XPO7: variants seen among roughly 807,000 people sequenced by gnomAD.
XPO7 encodes exportin 7, also known as exportin-7.
XPO7 carries 21 observed loss-of-function variants against 144.3 expected under a neutral mutation model. The observed-to-expected ratio is 0.15, with a 90% CI of 0.10 to 0.21. The LOEUF is 0.21. Ranked by LOEUF, XPO7 falls within the 10% of genes least tolerant of loss-of-function variation. The pLI is 1.00. For missense variants in XPO7, 808 were observed against 1,325.8 expected, an observed-to-expected ratio of 0.61 and a Z score of 6.06; for synonymous variants, 580 against 499.6, an observed-to-expected ratio of 1.16 and a Z score of -2.15.
intron 1 of XPO7, among the ~76,000 whole-genome samples, chr8:21,941,228 C>G (rs533316459): frequency 7.9e-5 from 12 of 151,850 alleles, no homozygotes; most frequent in African/African-American, 2.9e-4. Context: ...GCCTTGACCA[C>G]GCCACAACCC....
intron 1 of XPO7, among the ~76,000 whole-genome samples, chr8:21,955,359 G>A (rs1811502394): frequency 2.0e-5 from 3 of 152,128 alleles, no homozygotes; most frequent in Admixed American, 2.0e-4. Flanking sequence ...AAAAATGATG[G>A]TGCACCTTTG....
chr8:21,923,608 CACTT>C (rs1187350309), intron 1 of XPO7, among the ~76,000 whole-genome samples: 1 of 152,068 alleles, frequency 6.6e-6, no homozygotes, highest in Non-Finnish European at 1.5e-5. Context: ...ATCATTCAAA[CACTT>C]AACACAGAAA....
At chr8:21,968,007 A>G (rs1426225974) in intron 2 of XPO7, among the ~76,000 whole-genome samples, 1 of 152,202 alleles carries the variant, frequency 6.6e-6, no homozygotes, top group Non-Finnish European at 1.5e-5. Context: ...CATAAAGTGC[A>G]GTCCTCATAT....
At chr8:21,980,645 C>T (rs1286894154) in intron 9 of XPO7, among the ~76,000 whole-genome samples, 4 of 151,966 alleles carry the variant, frequency 2.6e-5, no homozygotes, top group African/African-American at 9.7e-5. Context: ...CATGGTGGCA[C>T]GTGCCTGTAA....
At chr8:21,989,168 T>A in intron 16 of XPO7, 85 bp downstream of exon 16, 2 of 1,265,030 alleles carry the variant, frequency 1.6e-6, no homozygotes, top group Non-Finnish European at 2.2e-6. Flanking sequence ...TCTTTCCACT[T>A]CAGTTTAGCT....
chr8:21,960,337 C>T (rs1346105852), intron 1 of XPO7, among the ~76,000 whole-genome samples: 1 of 152,246 alleles, frequency 6.6e-6, no homozygotes, highest in East Asian at 1.9e-4. Context: ...CCTTGCCCTG[C>T]AGCTTTCTTT....
Position 21,990,886 on chromosome 8 carries a change from A to G in XPO7, c.2008A>G (p.Thr670Ala), listed in dbSNP as rs768710338. 1 of 1,613,926 alleles carries G rather than the reference A, an allele frequency of 6.2e-7. No homozygotes were observed. The highest frequency in any genetic ancestry group is 8.5e-7 in the Non-Finnish European group (1 of 1,179,878). Reference sequence around the variant, plus strand: ...CATGCGGTGTCGGACTACCTTCTACACAGCACTTGGGCGTCTCCTCATGGT... The same window carrying G: ...CATGCGGTGTCGGACTACCTTCTACGCAGCACTTGGGCGTCTCCTCATGGT... ...TDMRCRTTFY[T>A]ALGRLLMVDL... The change falls in exon 18 of 28, where the codon ACA (threonine) becomes GCA (alanine). Residue 670 changes from threonine (T) to alanine (A), a missense_variant. Thr to Ala is a moderately conservative substitution (Grantham distance 58, BLOSUM62 0). Coordinates refer to ENST00000252512, the MANE Select transcript of XPO7 (RefSeq NM_015024.5).
At chr8:21,990,534 C>G in intron 17 of XPO7, 127 bp downstream of exon 17, 1 of 1,054,220 alleles carries the variant, frequency 9.5e-7, no homozygotes, top group Non-Finnish European at 1.4e-6. Flanking sequence ...TCCTGATTCC[C>G]ACGATACTGC....
chr8:21,968,649 CAT>C (rs953862262), intron 2 of XPO7, among the ~76,000 whole-genome samples: 2 of 152,188 alleles, frequency 1.3e-5, no homozygotes, highest in Non-Finnish European at 2.9e-5. Flanking sequence ...GTAATATTAA[CAT>C]AAATGGATAG....
intron 1 of XPO7, among the ~76,000 whole-genome samples, chr8:21,957,292 T>C (rs1811568208): frequency 1.3e-5 from 2 of 152,194 alleles, no homozygotes. Context: ...GGACAGTTAC[T>C]GAGAGGCATA....
At chr8:21,979,137 A>C (rs1308446792) in intron 8 of XPO7, among the ~76,000 whole-genome samples, 1 of 152,078 alleles carries the variant, frequency 6.6e-6, no homozygotes, top group Non-Finnish European at 1.5e-5. Flanking sequence ...GGCACTACCC[A>C]TGGGTTCAAG....
At chr8:21,958,963 A>G (rs1356123131) in intron 1 of XPO7, among the ~76,000 whole-genome samples, 1 of 27,928 alleles carries the variant, frequency 3.6e-5, no homozygotes, top group Non-Finnish European at 7.3e-5. Flanking sequence ...TCTGTCTCCA[A>G]AAAAAAAAAA....
rs148727073 is a variant in XPO7 at position 21,971,057 on chromosome 8, G to A, written c.426+747G>A. The stretch of plus-strand genomic sequence containing the variant: ...TTTTAAAAAAAAAATCTTTTATGCT[G>A]AATTTTTACTTTATCTTTGCTATGT... On this transcript the variant is annotated intron_variant, in intron 4 of 27. Transcript: ENST00000252512. Among the ~76,000 whole-genome samples, 30 of 152,168 alleles carry A rather than the reference G, an allele frequency of 2.0e-4. No homozygotes were observed. In the East Asian group the frequency reaches 5.4e-3, roughly 27 times the overall value.
intron 7 of XPO7, among the ~76,000 whole-genome samples, chr8:21,976,872 T>C (rs142550615): frequency 6.6e-6 from 1 of 152,310 alleles, no homozygotes; most frequent in Non-Finnish European, 1.5e-5. Flanking sequence ...TTGCCCAAGC[T>C]AGTCTTGAAC....
chr8:21,973,245 G>A (rs1812124158), intron 5 of XPO7, among the ~76,000 whole-genome samples: 1 of 152,180 alleles, frequency 6.6e-6, no homozygotes, highest in Non-Finnish European at 1.5e-5. Context: ...AGAGATTGTG[G>A]ACTTAATGTT....
chr8:21,999,745 A>C, intron 24 of XPO7, 71 bp downstream of exon 24: 1 of 1,586,552 alleles, frequency 6.3e-7, no homozygotes, highest in African/African-American at 1.3e-5. Context: ...GAAAGAGAGA[A>C]TCTTGCCCCA....
At chr8:21,977,650 T>G in intron 7 of XPO7, 120 bp from the exon 8 acceptor site, 1 of 912,890 alleles carries the variant, frequency 1.1e-6, no homozygotes, top group Non-Finnish European at 1.7e-6. Context: ...CCAAAGGAAA[T>G]AAATACTCTG....
chr8:21,948,374 T>C (rs1161957134), intron 1 of XPO7, among the ~76,000 whole-genome samples: 1 of 152,192 alleles, frequency 6.6e-6, no homozygotes, highest in Non-Finnish European at 1.5e-5. Flanking sequence ...AGGTATTCAG[T>C]ACAGTAACGT....
intron 2 of XPO7, 124 bp downstream of exon 2, chr8:21,967,127 T>G: frequency 7.5e-7 from 1 of 1,337,488 alleles, no homozygotes; most frequent in East Asian, 2.5e-5. Context: ...CCTGACTTAT[T>G]TTCACTTTTA....
Sources: gnomAD v4.1 joint callset for allele counts (sites outside exome capture counted in the v4.1 genomes callset) on GRCh38, gnomAD v4.1.1 for gene constraint, MANE v1.5 for transcripts, NCBI Gene and HGNC (gene_info 2026-07-23, HGNC 2026-07-21) for gene names.